GRIK4: variants seen among roughly 807,000 people sequenced by gnomAD.
The protein encoded by GRIK4 is glutamate receptor ionotropic, kainate 4.
In GRIK4, 40 loss-of-function variants were observed where a neutral mutation model predicts 104.9. The observed-to-expected ratio is 0.38, with a 90% CI of 0.30 to 0.50. The LOEUF is 0.50. Among genes scored for constraint, GRIK4 ranks in the 20% least tolerant of loss-of-function variants. GRIK4 has a pLI of 0.93. For missense variants in GRIK4, 1,047 were observed against 1,308.1 expected (o/e 0.80, Z 3.08); for synonymous variants, 485 against 524.9 (o/e 0.92, Z 1.04).
At chr11:120,784,450 T>G (rs1229356890) in intron 3 of GRIK4, among the ~76,000 whole-genome samples, 1 of 152,174 alleles carries the variant, frequency 6.6e-6, no homozygotes, top group East Asian at 1.9e-4. Flanking sequence ...TCCTGCTTGC[T>G]TTTTTCCTTG....
rs1246668655 is a variant in GRIK4 at position 120,940,352 on chromosome 11, A to G, written c.1482A>G (p.Ala494=). 1.9e-6 allele frequency: 3 copies of G among 1,607,498 alleles called. No homozygotes were observed. Among genetic ancestry groups the G allele is most frequent in the Admixed American group, 1.7e-5 (1 of 59,788 alleles). The change falls in exon 14 of 21, where the codon GCA becomes GCG. Residue 494 remains alanine (A), a synonymous_variant. Coordinates refer to ENST00000527524, the MANE Select transcript of GRIK4 (RefSeq NM_014619.5). The surrounding 1 kb of genome is among the most constrained non-coding windows in gnomAD (Gnocchi z 4.3). The part of the protein sequence containing the change: ...GMVGELIARK[A]DLAVAGLTIT... Reference sequence around the variant, plus strand: ...GCTGTCTCTGTTCTTTTCAGAAAGCAGATCTGGCTGTGGCAGGCCTCACCA... The same window carrying G: ...GCTGTCTCTGTTCTTTTCAGAAAGCGGATCTGGCTGTGGCAGGCCTCACCA...
chr11:120,708,618 C>T (rs986791179), intron 3 of GRIK4, among the ~76,000 whole-genome samples: 4 of 152,124 alleles, frequency 2.6e-5, no homozygotes, highest in African/African-American at 7.2e-5. Flanking sequence ...TCTAAGGGAA[C>T]GTGAACGGGC....
intron 1 of GRIK4, among the ~76,000 whole-genome samples, chr11:120,537,688 C>T (rs948837307): frequency 5.9e-5 from 9 of 152,192 alleles, no homozygotes; most frequent in Admixed American, 2.6e-4. Context: ...GACGGGCACG[C>T]GCCTTCCTCC....
At chr11:120,882,063 A>G (rs892401324) in intron 11 of GRIK4, among the ~76,000 whole-genome samples, 2 of 152,132 alleles carry the variant, frequency 1.3e-5, no homozygotes, top group Non-Finnish European at 2.9e-5. Flanking sequence ...CTGCACTGAC[A>G]TTGCCTTCAC....
chr11:120,558,726 A>G (rs1279259314), intron 1 of GRIK4, among the ~76,000 whole-genome samples: 1 of 152,256 alleles, frequency 6.6e-6, no homozygotes, highest in Non-Finnish European at 1.5e-5. Flanking sequence ...CAAAGTGAGT[A>G]GATTATATAC....
Position 120,772,828 on chromosome 11 carries a change from A to T in GRIK4, c.83-29865A>T, listed in dbSNP as rs530403699. Among the ~76,000 whole-genome samples the T allele has an allele frequency of 6.4e-4, 97 of 152,140 alleles. 1 individual carries two copies. The highest frequency in any genetic ancestry group is 2.3e-3 in the African/African-American group (94 of 41,494). ...ATACCTCTTCCCTGGGACAGAAGGG[A>T]AAGTGGGTCCAAGTGCTGGTGCATT... is the stretch of plus-strand genomic sequence containing the variant. On this transcript the variant is annotated intron_variant, in intron 3 of 20. Transcript: ENST00000527524.
chr11:120,577,726 A>G (rs1029446550), intron 1 of GRIK4, among the ~76,000 whole-genome samples: 15 of 152,254 alleles, frequency 9.9e-5, no homozygotes, highest in East Asian at 1.9e-4. Flanking sequence ...GTCCTCCCCA[A>G]TTATACCACT....
In GRIK4 at chr11:120,933,099, T is replaced by C. The variant is rs562290282; in HGVS notation, c.1477-7248T>C. ...CCAAAGGACTGGACAGCATGAGGTC[T>C]GGGAGGCCTGGACCCCACATAGGTC... On this transcript the variant is annotated intron_variant, in intron 13 of 20. Transcript: ENST00000527524. 3.7e-3 allele frequency among the ~76,000 whole-genome samples: 559 copies of C among 152,280 alleles called. 3 individuals carry two copies. Among genetic ancestry groups the C allele is most frequent in the East Asian group, 8.7e-3 (45 of 5,188 alleles).
At chr11:120,762,165 T>A (rs1951762591) in intron 3 of GRIK4, among the ~76,000 whole-genome samples, 1 of 152,210 alleles carries the variant, frequency 6.6e-6, no homozygotes, top group African/African-American at 2.4e-5. Flanking sequence ...ACATCCCTTG[T>A]AAGTTGTATT....
At chr11:120,894,028 G>T (rs1942496248) in intron 11 of GRIK4, among the ~76,000 whole-genome samples, 1 of 152,184 alleles carries the variant, frequency 6.6e-6, no homozygotes, top group South Asian at 2.1e-4. Flanking sequence ...GAGAAGAAGA[G>T]AATTTGCATT....
At chr11:120,568,527 A>G (rs1196822577) in intron 1 of GRIK4, among the ~76,000 whole-genome samples, 1 of 152,092 alleles carries the variant, frequency 6.6e-6, no homozygotes, top group Non-Finnish European at 1.5e-5. Flanking sequence ...AGCTGGGACC[A>G]TAAGTGCACA....
intron 3 of GRIK4, among the ~76,000 whole-genome samples, chr11:120,707,359 G>A (rs1480983493): frequency 6.6e-6 from 1 of 152,206 alleles, no homozygotes; most frequent in African/African-American, 2.4e-5. Flanking sequence ...TGAGGGGAAG[G>A]TCTGAGGAAG....
At chr11:120,880,716 A>T (rs1954947443) in intron 11 of GRIK4, among the ~76,000 whole-genome samples, 1 of 152,248 alleles carries the variant, frequency 6.6e-6, no homozygotes, top group African/African-American at 2.4e-5. Flanking sequence ...CTCAAGGGAC[A>T]CATTCCAAAT....
At chr11:120,660,232 C>A in intron 2 of GRIK4, 37 bp from the exon 3 acceptor site, 1 of 905,244 alleles carries the variant, frequency 1.1e-6, no homozygotes, top group Non-Finnish European at 1.8e-6. Context: ...CTAGCTGGAG[C>A]CTGGGACTCA....
chr11:120,571,305 G>C (rs1414707741), intron 1 of GRIK4, among the ~76,000 whole-genome samples: 2 of 152,142 alleles, frequency 1.3e-5, no homozygotes, highest in Non-Finnish European at 2.9e-5. Flanking sequence ...TGAGGACATG[G>C]TGACGACTGT....
At chr11:120,599,702 C>T (rs1948856627) in intron 1 of GRIK4, among the ~76,000 whole-genome samples, 1 of 152,232 alleles carries the variant, frequency 6.6e-6, no homozygotes, top group Non-Finnish European at 1.5e-5. Context: ...AGGCTGCCAG[C>T]TTTGGGTATT....
chr11:120,933,309 T>A (rs1396227300), intron 13 of GRIK4, among the ~76,000 whole-genome samples: 3 of 152,230 alleles, frequency 2.0e-5, no homozygotes, highest in African/African-American at 7.2e-5. Context: ...AAGGTCTCCA[T>A]AAGCCCTTGC....
chr11:120,578,765 G>A (rs1275590425), intron 1 of GRIK4, among the ~76,000 whole-genome samples: 3 of 152,190 alleles, frequency 2.0e-5, no homozygotes, highest in Admixed American at 1.3e-4. Flanking sequence ...CCCGGCGAAC[G>A]CCCCGCCCGG....
intron 1 of GRIK4, among the ~76,000 whole-genome samples, chr11:120,646,369 C>G (rs574441176): frequency 6.6e-6 from 1 of 152,160 alleles, no homozygotes; most frequent in African/African-American, 2.4e-5. Flanking sequence ...TGGTAGGTAG[C>G]GGCACCCAGG....
Sources: gnomAD v4.1 joint callset for allele counts (sites outside exome capture counted in the v4.1 genomes callset) on GRCh38, gnomAD v4.1.1 for gene constraint, Gnocchi (gnomAD v3.1) non-coding constraint, MANE v1.5 for transcripts, NCBI Gene and HGNC (gene_info 2026-07-23, HGNC 2026-07-21) for gene names.